ZEB1: variants seen among roughly 807,000 people sequenced by gnomAD.
ZEB1 encodes the protein zinc finger E-box-binding homeobox 1.
ZEB1 carries 21 observed loss-of-function variants against 84.9 expected under a neutral mutation model. The ratio of observed to expected loss-of-function variants is 0.25; its 90% CI spans 0.18 to 0.36. The LOEUF (loss-of-function observed/expected upper bound fraction) is 0.36, where lower values mean the gene tolerates loss of function less well. ZEB1 is among the 10% of genes least tolerant of loss of function. ZEB1 has a pLI of 1.00. For synonymous variants in ZEB1, 420 were observed against 471.1 expected (o/e 0.89, Z 1.41); for missense variants, 1,104 against 1,330.2 (o/e 0.83, Z 2.65).
intron 1 of ZEB1, among the ~76,000 whole-genome samples, chr10:31,457,954 G>C (rs1360785747): frequency 6.6e-6 from 1 of 152,078 alleles, no homozygotes. Flanking sequence ...CTGCAATATT[G>C]CATCATTAAA....
chr10:31,350,908 A>G (rs1427059234), intron 1 of ZEB1, among the ~76,000 whole-genome samples: 2 of 152,210 alleles, frequency 1.3e-5, no homozygotes, highest in African/African-American at 4.8e-5. Flanking sequence ...TTCACTATTT[A>G]GAGTTCTCTG....
chr10:31,427,085 A>T (rs527512895), intron 1 of ZEB1, among the ~76,000 whole-genome samples: 6 of 148,226 alleles, frequency 4.0e-5, no homozygotes, highest in Admixed American at 2.0e-4. Context: ...AAATATGTTT[A>T]AAAAAAAAAC....
chr10:31,447,522 C>A (rs2059940905), intron 1 of ZEB1, among the ~76,000 whole-genome samples: 1 of 133,958 alleles, frequency 7.5e-6, no homozygotes, highest in Non-Finnish European at 1.6e-5. Flanking sequence ...ATGGTCTTTA[C>A]ATTTTGGCAT....
At chr10:31,363,693 G>A (rs1340778710) in intron 1 of ZEB1, 7 of 1,249,204 alleles carry the variant, frequency 5.6e-6, no homozygotes, top group Admixed American at 4.0e-5. Flanking sequence ...TCCTTACGGG[G>A]CTGAGGTGTC....
At chr10:31,362,465 T>A (rs1366965477) in intron 1 of ZEB1, among the ~76,000 whole-genome samples, 1 of 149,394 alleles carries the variant, frequency 6.7e-6, no homozygotes, top group African/African-American at 2.5e-5. Flanking sequence ...GCAGAGGCGC[T>A]CCTCACTTCC....
chr10:31,381,225 GATTA>G (rs1429844672), intron 1 of ZEB1, among the ~76,000 whole-genome samples: 5 of 152,126 alleles, frequency 3.3e-5, no homozygotes, highest in East Asian at 1.9e-4. Context: ...TAGATGACAT[GATTA>G]ATTATCTAGA....
intron 1 of ZEB1, among the ~76,000 whole-genome samples, chr10:31,336,672 T>C (rs769811103): frequency 2.8e-4 from 42 of 152,118 alleles, no homozygotes; most frequent in Admixed American, 6.6e-4. Context: ...AAACTGGGCT[T>C]GAATAGGCAC....
At chr10:31,375,193 T>C (rs963324654) in intron 1 of ZEB1, among the ~76,000 whole-genome samples, 3 of 151,588 alleles carry the variant, frequency 2.0e-5, no homozygotes, top group Non-Finnish European at 4.4e-5. Flanking sequence ...CTAAATTTAG[T>C]TTTTTTCTGG....
intron 1 of ZEB1, among the ~76,000 whole-genome samples, chr10:31,329,676 T>C (rs1361665672): frequency 6.6e-6 from 1 of 152,128 alleles, no homozygotes; most frequent in East Asian, 1.9e-4. Context: ...CCACCAGCCA[T>C]GTATGAGAGT....
chr10:31,520,777 A>G lies in ZEB1; in HGVS notation c.1445A>G (p.Gln482Arg). Residue 482 changes from glutamine to arginine, a missense_variant, in exon 7 of 9, where the codon CAG becomes CGG. Physicochemically the swap from Gln to Arg is conservative, Grantham distance 43. Coordinates refer to ENST00000424869, the MANE Select transcript of ZEB1 (RefSeq NM_001174096.2). The surrounding 1 kb of genome is among the most constrained non-coding windows in gnomAD (Gnocchi z 5.1). ...TKIIINYSLE[Q>R]PSQLQVVPQN... ...ATTATCATCAACTACAGTCTTGAGC[A>G]GCCTAGCCAACTTCAAGTTGTTCCT... The G allele has an allele frequency of 6.2e-7, 1 of 1,614,132 alleles. No individual in the cohort carries two copies. The highest frequency in any genetic ancestry group is 8.5e-7 in the Non-Finnish European group (1 of 1,180,018).
At chr10:31,401,270 T>C (rs540655761) in intron 1 of ZEB1, among the ~76,000 whole-genome samples, 1 of 152,314 alleles carries the variant, frequency 6.6e-6, no homozygotes, top group East Asian at 1.9e-4. Flanking sequence ...GTTTTACATA[T>C]GTTAAATGGT....
chr10:31,394,509 C>G (rs998640505), intron 1 of ZEB1, among the ~76,000 whole-genome samples: 3 of 152,170 alleles, frequency 2.0e-5, no homozygotes, highest in African/African-American at 7.2e-5. Flanking sequence ...ATATCAGCAT[C>G]CTAAAAGTTC....
chr10:31,509,026 G>T (rs2139450670), intron 4 of ZEB1, among the ~76,000 whole-genome samples: 1 of 152,284 alleles, frequency 6.6e-6, no homozygotes, highest in African/African-American at 2.4e-5. Context: ...CCTCTGCTGG[G>T]AGGAGGTATG....
intron 1 of ZEB1, among the ~76,000 whole-genome samples, chr10:31,347,069 T>G (rs1401164074): frequency 6.6e-6 from 1 of 152,170 alleles, no homozygotes; most frequent in Non-Finnish European, 1.5e-5. Flanking sequence ...AATGAGGACC[T>G]TGAAGTTTTT....
At chr10:31,368,653 A>T (rs964488281) in intron 1 of ZEB1, among the ~76,000 whole-genome samples, 1 of 151,996 alleles carries the variant, frequency 6.6e-6, no homozygotes, top group Non-Finnish European at 1.5e-5. Context: ...TTCAAGTAAA[A>T]CTCGTTAAGC....
intron 1 of ZEB1, among the ~76,000 whole-genome samples, chr10:31,457,849 A>G (rs2061415154): frequency 6.6e-6 from 1 of 152,150 alleles, no homozygotes; most frequent in Non-Finnish European, 1.5e-5. Flanking sequence ...GGAAGTTTTC[A>G]AGCCCAAAAT....
chr10:31,457,794 A>G (rs764095999), intron 1 of ZEB1, among the ~76,000 whole-genome samples: 12 of 152,230 alleles, frequency 7.9e-5, no homozygotes, highest in Non-Finnish European at 1.5e-4. Flanking sequence ...CATGCAAGCA[A>G]GCATTTGAAC....
intron 8 of ZEB1, 60 bp from the exon 9 acceptor site, chr10:31,526,612 G>A (rs537927248): frequency 3.9e-5 from 62 of 1,589,782 alleles, no homozygotes; most frequent in African/African-American, 2.3e-4. Context: ...CCCAAAAACC[G>A]TATAAGGATT....
chr10:31,373,477 A>G (rs972190067), intron 1 of ZEB1, among the ~76,000 whole-genome samples: 2 of 151,842 alleles, frequency 1.3e-5, no homozygotes, highest in Non-Finnish European at 2.9e-5. Flanking sequence ...AAAATAGTAT[A>G]TTATAAAATT....
Sources: allele counts gnomAD v4.1 joint callset (sites outside exome capture counted in the v4.1 genomes callset), GRCh38; gene constraint gnomAD v4.1.1; non-coding constraint Gnocchi (gnomAD v3.1); transcripts MANE v1.5; gene names NCBI Gene and HGNC (gene_info 2026-07-23, HGNC 2026-07-21).